SGSM2: variants seen among roughly 807,000 people sequenced by gnomAD.
The protein encoded by SGSM2 is small G protein signaling modulator 2.
In SGSM2, 89 loss-of-function variants were observed where a neutral mutation model predicts 126.6. The observed-to-expected ratio is 0.70, with a 90% CI of 0.59 to 0.84. The LOEUF (loss-of-function observed/expected upper bound fraction) is 0.84. Among genes scored for constraint, SGSM2 ranks in the 40% least tolerant of loss-of-function variants. The pLI is 0.00. For missense variants in SGSM2, 1,404 were observed against 1,416.6 expected (o/e 0.99, Z 0.14); for synonymous variants, 614 against 574.3 (o/e 1.07, Z -0.99).
chr17:2,361,979 T>G (rs1014519906), intron 3 of SGSM2, 130 bp from the exon 4 acceptor site: 19 of 1,340,926 alleles, frequency 1.4e-5, no homozygotes, highest in Non-Finnish European at 1.9e-5. Context: ...TCTGTACCCC[T>G]CCTTCACCTC....
At position 2,372,946 on chromosome 17, in the gene SGSM2, C is replaced by A. The variant is rs1396558735; in HGVS notation, c.1789-7C>A. On this transcript the variant is annotated splice_polypyrimidine_tract_variant and splice_region_variant and intron_variant, in intron 15 of 23. Transcript: ENST00000268989. This position sits in a 1 kb window ranked among gnomAD's most constrained non-coding sequence, Gnocchi z 6.0. Reference sequence around the variant, plus strand: ...GCTGCACAGTCTTGACTCCCCGGGTCCCTCAGAACTACAAAGAGCTGGAGC... The same window carrying A: ...GCTGCACAGTCTTGACTCCCCGGGTACCTCAGAACTACAAAGAGCTGGAGC... 1 of 1,558,756 alleles carries A rather than the reference C, an allele frequency of 6.4e-7. No homozygotes were observed. Among genetic ancestry groups the A allele is most frequent in the South Asian group, 1.2e-5 (1 of 84,734 alleles).
chr17:2,373,800 G>C (rs2065999280), intron 17 of SGSM2: 2 of 412,654 alleles, frequency 4.8e-6, no homozygotes, highest in Non-Finnish European at 8.8e-6. Context: ...CCTCCTTGTA[G>C]AAAGACCTCA....
chr17:2,379,786 C>T lies in SGSM2; in HGVS notation c.*266C>T, dbSNP rs996996588. 2.9e-6 allele frequency: 4 copies of T among 1,357,538 alleles called. No individual in the cohort carries two copies. The highest frequency in any genetic ancestry group is 2.9e-6 in the Non-Finnish European group (3 of 1,051,696). 84.1% of individuals were successfully genotyped at this position (1,357,538 alleles called of 1,614,324 possible). ...GGACACACCTACTCTGCTCCCCTCT[C>T]ACACATCTGGGAGTAGCCCCACTGC... On this transcript the variant is annotated 3_prime_UTR_variant, in exon 24 of 24. Transcript: ENST00000268989.
At chr17:2,366,312 T>A (rs1349955903) in intron 11 of SGSM2, among the ~76,000 whole-genome samples, 2 of 152,190 alleles carry the variant, frequency 1.3e-5, no homozygotes, top group Non-Finnish European at 2.9e-5. Flanking sequence ...CTGGTCAGAG[T>A]GCTGCTGCTG....
Position 2,380,197 on chromosome 17 carries a change from T to TG in SGSM2, c.*678dup. 6 of 1,531,958 alleles carry TG rather than the reference T, an allele frequency of 3.9e-6. No homozygotes were observed. The highest frequency in any genetic ancestry group is 5.2e-6 in the Non-Finnish European group (6 of 1,144,722). 94.9% of individuals were successfully genotyped at this position (1,531,958 alleles called of 1,614,324 possible). A position where few individuals can be genotyped will look rare whatever the true frequency, so the allele number is the denominator to read the frequency against. On this transcript the variant is annotated 3_prime_UTR_variant, in exon 24 of 24. Transcript: ENST00000268989. ...GGTGACCCCCAGGCCTCCCCGGCCTTGTACAGTGTACCTCTGTGTATCTGT... is the reference window on the plus strand; with the variant it reads ...GGTGACCCCCAGGCCTCCCCGGCCTTGGTACAGTGTACCTCTGTGTATCTGT...
chr17:2,343,423 A>G, intron 1 of SGSM2, 122 bp from the exon 2 acceptor site: 1 of 877,402 alleles, frequency 1.1e-6, no homozygotes, highest in Non-Finnish European at 1.9e-6. Flanking sequence ...CATCCCTGTC[A>G]TCTCTGCAAG....
Position 2,363,320 on chromosome 17 carries a change from G to A in SGSM2, c.673-145G>A. ...CGGGAGCCCATGCTGGTCCGTGGCT[G>A]GAGAGCAGAGGGTGGCTGGGAGTAA... On this transcript the variant is annotated intron_variant, in intron 6 of 23. Transcript: ENST00000268989. This position sits in a 1 kb window ranked among gnomAD's most constrained non-coding sequence, Gnocchi z 4.2. 7.1e-7 allele frequency: 1 copy of A among 1,400,812 alleles called. No individual in the cohort carries two copies. The highest frequency in any genetic ancestry group is 9.6e-7 in the Non-Finnish European group (1 of 1,037,742). The allele number at this position is 1,400,812 out of a possible 1,614,324, so 86.8% of individuals were successfully genotyped here.
chr17:2,372,688 C>T lies in SGSM2; in HGVS notation c.1788+200C>T, dbSNP rs1282294365. ...GGGCTGGACTGGGAAGCCGTCCTGCCTCCACATCGCCCTGTGACCCTGGAC... is the reference window on the plus strand; with the variant it reads ...GGGCTGGACTGGGAAGCCGTCCTGCTTCCACATCGCCCTGTGACCCTGGAC... On this transcript the variant is annotated intron_variant, in intron 15 of 23. Coordinates refer to ENST00000268989, the MANE Select transcript of SGSM2 (RefSeq NM_014853.3). This position sits in a 1 kb window ranked among gnomAD's most constrained non-coding sequence, Gnocchi z 6.0. 2 of 838,256 alleles carry T rather than the reference C, an allele frequency of 2.4e-6. No individual in the cohort carries two copies. Among genetic ancestry groups the T allele is most frequent in the African/African-American group, 1.7e-5 (1 of 57,392 alleles). 51.9% of individuals were successfully genotyped at this position (838,256 alleles called of 1,614,324 possible).
In SGSM2 at chr17:2,363,450, C is replaced by G. The variant is rs1165775766; in HGVS notation, c.673-15C>G. On this transcript the variant is annotated splice_polypyrimidine_tract_variant and intron_variant, in intron 6 of 23. Transcript: ENST00000268989. The surrounding 1 kb of genome is among the most constrained non-coding windows in gnomAD (Gnocchi z 4.2). ...TTTCCCAAGGCTGGAGGCTGAGCCC[C>G]GGCCTTCCACACAGATCCGGAAACG... The G allele has an allele frequency of 1.2e-6, 2 of 1,612,582 alleles. No individual in the cohort carries two copies. Among genetic ancestry groups the G allele is most frequent in the South Asian group, 1.1e-5 (1 of 91,050 alleles).
chr17:2,363,775 G>A lies in SGSM2; in HGVS notation c.807+176G>A. 9.8e-7 allele frequency: 1 copy of A among 1,024,330 alleles called. No individual in the cohort carries two copies. Among genetic ancestry groups the A allele is most frequent in the Non-Finnish European group, 1.4e-6 (1 of 715,998 alleles). 63.5% of individuals were successfully genotyped at this position (1,024,330 alleles called of 1,614,324 possible). On this transcript the variant is annotated intron_variant, in intron 7 of 23. Transcript: ENST00000268989. The surrounding 1 kb of genome is among the most constrained non-coding windows in gnomAD (Gnocchi z 4.2). Reference sequence around the variant, plus strand: ...TCACGCCCAGCCTTTAGTTGGCAGGGGACAGGAATGGCAGCCAGCAGGCGA... The same window carrying A: ...TCACGCCCAGCCTTTAGTTGGCAGGAGACAGGAATGGCAGCCAGCAGGCGA...
In SGSM2 at chr17:2,367,476, A is replaced by G. The variant is rs2065649495; in HGVS notation, c.1423+71A>G. On this transcript the variant is annotated intron_variant, in intron 12 of 23. Coordinates refer to ENST00000268989, the MANE Select transcript of SGSM2 (RefSeq NM_014853.3). The surrounding 1 kb of genome is among the most constrained non-coding windows in gnomAD (Gnocchi z 4.0). ...CTCCCGGGCCCGCCTGCCACCCACC[A>G]CAGGGGTTCGAACGGCAGTGTTGGC... The G allele has an allele frequency of 6.8e-7, 1 of 1,465,496 alleles. No individual in the cohort carries two copies. The highest frequency in any genetic ancestry group is 1.6e-5 in the African/African-American group (1 of 62,212). 90.8% of individuals were successfully genotyped at this position (1,465,496 alleles called of 1,614,324 possible).
Position 2,379,885 on chromosome 17 carries a change from G to A in SGSM2, c.*365G>A, listed in dbSNP as rs2066341297. 6.2e-6 allele frequency: 8 copies of A among 1,299,476 alleles called. No homozygotes were observed. The highest frequency in any genetic ancestry group is 4.2e-5 in the South Asian group (2 of 48,150). The allele number at this position is 1,299,476 out of a possible 1,614,324, so 80.5% of individuals were successfully genotyped here. Reference sequence around the variant, plus strand: ...CCACAGGATTAACAGGGGCTATAGCGGCCTGGGCCCTACTCAGCTGGGGTG... The same window carrying A: ...CCACAGGATTAACAGGGGCTATAGCAGCCTGGGCCCTACTCAGCTGGGGTG... On this transcript the variant is annotated 3_prime_UTR_variant, in exon 24 of 24. Coordinates refer to ENST00000268989, the MANE Select transcript of SGSM2 (RefSeq NM_014853.3).
intron 23 of SGSM2, 41 bp from the exon 24 acceptor site, chr17:2,379,391 T>C (rs776942746): frequency 1.9e-6 from 3 of 1,587,888 alleles, no homozygotes; most frequent in Non-Finnish European, 8.6e-7. Flanking sequence ...CCTGCTGCCC[T>C]TTCTCTGGGC....
chr17:2,358,582 C>T (rs1386585289), intron 2 of SGSM2, among the ~76,000 whole-genome samples: 1 of 152,122 alleles, frequency 6.6e-6, no homozygotes, highest in East Asian at 1.9e-4. Flanking sequence ...CTTAGTGACC[C>T]AAGCCTGTAG....
chr17:2,338,774 A>AATATATATATATAT (rs148031213), intron 1 of SGSM2, among the ~76,000 whole-genome samples: 13,208 of 133,578 alleles, frequency 0.099, 1,052 homozygotes, highest in African/African-American at 0.17. Context: ...CCGTCTCCCT[A>AATATATATATATAT]ATATATATAT....
chr17:2,377,619 T>G (rs1056264056), intron 21 of SGSM2: 12 of 373,416 alleles, frequency 3.2e-5, no homozygotes, highest in Non-Finnish European at 5.4e-5. Context: ...GAAAATCCTA[T>G]AACCCTAAAA....
chr17:2,372,283 G>A lies in SGSM2; in HGVS notation c.1642+29G>A, dbSNP rs947867653. 5.0e-6 allele frequency: 8 copies of A among 1,611,744 alleles called. No homozygotes were observed. Among genetic ancestry groups the A allele is most frequent in the Admixed American group, 1.7e-5 (1 of 59,928 alleles). The stretch of plus-strand genomic sequence containing the variant: ...AGTGTGGGGCGCGCCGGGCTGTGGC[G>A]GGCTGGGGGCGGGCGGCCCTGGGTC... On this transcript the variant is annotated intron_variant, in intron 14 of 23. Transcript: ENST00000268989. The surrounding 1 kb of genome is among the most constrained non-coding windows in gnomAD (Gnocchi z 6.0).
At chr17:2,377,431 C>A (rs1357339351) in intron 21 of SGSM2, 1 of 216,120 alleles carries the variant, frequency 4.6e-6, no homozygotes, top group African/African-American at 2.4e-5. Context: ...TTGCAGTGAG[C>A]CGAGATCACA....
At chr17:2,342,315 T>G (rs2064405253) in intron 1 of SGSM2, among the ~76,000 whole-genome samples, 1 of 150,386 alleles carries the variant, frequency 6.6e-6, no homozygotes, top group African/African-American at 2.4e-5. Flanking sequence ...TCCCGGCTAC[T>G]GTGGAGGCTG....
Sources: allele counts gnomAD v4.1 joint callset (sites outside exome capture counted in the v4.1 genomes callset), GRCh38; gene constraint gnomAD v4.1.1; non-coding constraint Gnocchi (gnomAD v3.1); transcripts MANE v1.5; gene names NCBI Gene and HGNC (gene_info 2026-07-23, HGNC 2026-07-21).